The following PFKFB3 variants were observed in gnomAD, a reference collection of about 807,000 sequenced individuals.
PFKFB3 encodes the protein 6-phosphofructo-2-kinase/fructose-2,6-bisphosphatase 3.
In PFKFB3, 33 loss-of-function variants were observed where a neutral mutation model predicts 68.0. That is an observed-to-expected ratio of 0.49 (90% CI 0.37 to 0.65). The LOEUF (loss-of-function observed/expected upper bound fraction) is 0.65, where lower values mean the gene tolerates loss of function less well. Ranked by LOEUF, PFKFB3 falls within the 30% of genes least tolerant of loss-of-function variation. PFKFB3 has a pLI of 0.00. For missense variants in PFKFB3, 586 were observed against 712.2 expected, an observed-to-expected ratio of 0.82 and a Z score of 2.02; for synonymous variants, 315 against 288.2, an observed-to-expected ratio of 1.09 and a Z score of -0.94.
downstream of PFKFB3, among the ~76,000 whole-genome samples, chr10:6,257,498 T>A (rs4750189): frequency 0.9 from 136,395 of 152,222 alleles, 62,785 homozygotes; most frequent in East Asian, 1. Flanking sequence ...TTGACCATGG[T>A]AGGGACTTGT....
intron 13 of PFKFB3, chr10:6,225,248 G>C: frequency 8.8e-6 from 4 of 456,080 alleles, no homozygotes; most frequent in South Asian, 6.2e-5. Context: ...TCCCGAAACA[G>C]GTGACTGTCT....
Position 6,183,831 on chromosome 10 carries a change from A to G in PFKFB3, c.17-29792A>G, listed in dbSNP as rs550405849. On this transcript the variant is annotated intron_variant, in intron 1 of 14. Transcript: ENST00000379789. ...GCCTCCCAAGTAGTTGGGACTACAGACAACTGCCACCACGCCCGGCTAATT... is the reference window on the plus strand; with the variant it reads ...GCCTCCCAAGTAGTTGGGACTACAGGCAACTGCCACCACGCCCGGCTAATT... Among the ~76,000 whole-genome samples the G allele has an allele frequency of 4.4e-4, 66 of 150,596 alleles. 1 individual carries two copies. In the South Asian group the frequency reaches 5.9e-3, roughly 13 times the overall value.
intron 1 of PFKFB3, among the ~76,000 whole-genome samples, chr10:6,151,907 C>T (rs887666851): frequency 8.6e-5 from 13 of 150,954 alleles, no homozygotes; most frequent in Admixed American, 4.6e-4. Context: ...CCTTGTTTCT[C>T]GGAAGGACAG....
At chr10:6,235,830 G>A (rs1180685274), downstream of PFKFB3, among the ~76,000 whole-genome samples, 3 of 148,978 alleles carry the variant, frequency 2.0e-5, no homozygotes, top group Middle Eastern at 3.5e-3. Context: ...GCAGTGGCGC[G>A]ATCTCAGCTC....
At chr10:6,322,945 G>C in the PFKFB3 span, among the ~76,000 whole-genome samples, 1 of 152,194 alleles carries the variant, frequency 6.6e-6, no homozygotes, top group Non-Finnish European at 1.5e-5. Flanking sequence ...CATGGGGACA[G>C]ACCCTGGTGA....
intron 14 of PFKFB3, chr10:6,231,219 C>A: frequency 3.5e-6 from 4 of 1,151,020 alleles, no homozygotes; most frequent in East Asian, 2.4e-5. Context: ...TTTTTTTTTT[C>A]CTTTTCCAAC....
chr10:6,205,574 G>A (rs1843628091), intron 1 of PFKFB3, among the ~76,000 whole-genome samples: 1 of 151,702 alleles, frequency 6.6e-6, no homozygotes, highest in Non-Finnish European at 1.5e-5. Flanking sequence ...CATATTTTTA[G>A]TAAAGACGGG....
the PFKFB3 span, among the ~76,000 whole-genome samples, chr10:6,261,996 C>G: frequency 7.8e-6 from 1 of 127,856 alleles, no homozygotes; most frequent in Non-Finnish European, 1.7e-5. Context: ...GACTCTGTCT[C>G]AAAAACAAAA....
At position 6,194,410 on chromosome 10, in the gene PFKFB3, C is replaced by T. The variant is rs115409300; in HGVS notation, c.17-19213C>T. Among the ~76,000 whole-genome samples the T allele has an allele frequency of 7.2e-3, 1,101 of 152,350 alleles. 12 individuals are homozygous for T. The highest frequency in any genetic ancestry group is 0.025 in the African/African-American group (1,045 of 41,568). ...TTTTGAAAACTATGTTTCCGCTGCG[C>T]TAAAGTCTAGGAGCGGGCTCCTTAG... is the stretch of plus-strand genomic sequence containing the variant. On this transcript the variant is annotated intron_variant, in intron 1 of 14. Transcript: ENST00000379789.
chr10:6,268,733 T>C, the PFKFB3 span, among the ~76,000 whole-genome samples: 1 of 151,558 alleles, frequency 6.6e-6, no homozygotes, highest in African/African-American at 2.4e-5. Flanking sequence ...CATAAAGAGG[T>C]TAAAGAGGCT....
At chr10:6,231,361 A>T in intron 14 of PFKFB3, 2 of 1,611,082 alleles carry the variant, frequency 1.2e-6, no homozygotes, top group South Asian at 1.1e-5. Context: ...GCGTCACGGC[A>T]TCTGGGTCTG....
intron 1 of PFKFB3, among the ~76,000 whole-genome samples, chr10:6,192,907 C>T (rs928250114): frequency 1.3e-5 from 2 of 151,976 alleles, no homozygotes; most frequent in Admixed American, 6.6e-5. Context: ...GTTTGGTCTT[C>T]GTAAGGACCT....
the PFKFB3 span, among the ~76,000 whole-genome samples, chr10:6,288,213 A>G: frequency 2.8e-3 from 298 of 107,532 alleles, 5 homozygotes; most frequent in East Asian, 0.023. Flanking sequence ...TTTTTTAATT[A>G]TTATTATACT....
At chr10:6,185,690 G>T (rs1842850898) in intron 1 of PFKFB3, among the ~76,000 whole-genome samples, 1 of 146,414 alleles carries the variant, frequency 6.8e-6, no homozygotes, top group African/African-American at 2.6e-5. Context: ...ACCAAGGCTG[G>T]AGTGCAATGT....
At chr10:6,181,321 G>A (rs918192440) in intron 1 of PFKFB3, among the ~76,000 whole-genome samples, 2 of 140,174 alleles carry the variant, frequency 1.4e-5, no homozygotes, top group South Asian at 2.3e-4. Flanking sequence ...CGCAGCCCAC[G>A]CCCATGTTTA....
At chr10:6,272,964 C>G in the PFKFB3 span, among the ~76,000 whole-genome samples, 1 of 149,800 alleles carries the variant, frequency 6.7e-6, no homozygotes, top group Admixed American at 6.6e-5. Context: ...AAAGTGTTCA[C>G]ATGTCTCCTG....
At chr10:6,231,175 A>C in intron 14 of PFKFB3, 1 of 966,590 alleles carries the variant, frequency 1.0e-6, no homozygotes, top group East Asian at 2.4e-5. Flanking sequence ...TAAAATTTCA[A>C]ATGCACACTA....
chr10:6,211,009 G>A lies in PFKFB3; in HGVS notation c.77-2614G>A, dbSNP rs77448812. Among the ~76,000 whole-genome samples, 1,136 of 144,544 alleles carry A rather than the reference G, an allele frequency of 7.9e-3. 225 individuals are homozygous for A. The highest frequency in any genetic ancestry group is 0.042 in the East Asian group (168 of 4,020). 94.8% of individuals were successfully genotyped at this position (144,544 alleles called of 152,430 possible). A position where few individuals can be genotyped will look rare whatever the true frequency, so the allele number is the denominator to read the frequency against. On this transcript the variant is annotated intron_variant, in intron 1 of 14. Coordinates refer to ENST00000379775, the MANE Select transcript of PFKFB3 (RefSeq NM_004566.4). ...AGGCGTGAGCCACCGTGCCCGGTGC[G>A]CCCCTCTCTTGTTCTGCAGTCAAAT... is the stretch of plus-strand genomic sequence containing the variant.
chr10:6,233,010 G>C lies in PFKFB3; in HGVS notation c.*68G>C. The C allele has an allele frequency of 1.6e-6, 2 of 1,261,636 alleles. No individual in the cohort carries two copies. The highest frequency in any genetic ancestry group is 1.7e-5 in the Admixed American group (1 of 59,402). The allele number at this position is 1,261,636 out of a possible 1,614,324, so 78.2% of individuals were successfully genotyped here. ...AGCTTGTGTCCTGCCCTCCGCCCGA[G>C]GCAAAACGTATCCTGAGGACTTCTT... On this transcript the variant is annotated 3_prime_UTR_variant, in exon 15 of 15. Coordinates refer to ENST00000379775, the MANE Select transcript of PFKFB3 (RefSeq NM_004566.4).
Sources: gnomAD v4.1 joint callset for allele counts (sites outside exome capture counted in the v4.1 genomes callset) on GRCh38, gnomAD v4.1.1 for gene constraint, MANE v1.5 for transcripts, NCBI Gene and HGNC (gene_info 2026-07-23, HGNC 2026-07-21) for gene names.